The following PAM variants were observed in gnomAD, a reference collection of about 807,000 sequenced individuals.
PAM encodes peptidylglycine alpha-amidating monooxygenase.
PAM carries 72 observed loss-of-function variants against 122.1 expected under a neutral mutation model. The observed-to-expected ratio is 0.59, with a 90% CI of 0.49 to 0.72. The LOEUF (loss-of-function observed/expected upper bound fraction) is 0.72. Among genes scored for constraint, PAM ranks in the 30% least tolerant of loss-of-function variants. The pLI, the probability that PAM is intolerant of heterozygous loss-of-function variation, is 0.00. For synonymous variants in PAM, 389 were observed against 404.4 expected, an observed-to-expected ratio of 0.96 and a Z score of 0.46; for missense variants, 1,106 against 1,183.7, an observed-to-expected ratio of 0.93 and a Z score of 0.96.
chr5:102,918,692 T>G lies in PAM; in HGVS notation c.356+4671T>G, dbSNP rs904798357. Among the ~76,000 whole-genome samples the G allele has an allele frequency of 1.4e-4, 22 of 152,222 alleles. No homozygotes were observed. In the East Asian group the frequency reaches 4.2e-3, roughly 29 times the overall value. On this transcript the variant is annotated intron_variant, in intron 5 of 25. Coordinates refer to ENST00000438793, the MANE Select transcript of PAM (RefSeq NM_001177306.2). ...TCAGGCTTTGAAAATCATAATATTT[T>G]GTTTATACAAATTGTGTTGGCATTT...
intron 1 of PAM, among the ~76,000 whole-genome samples, chr5:102,864,027 G>A (rs1784850775): frequency 6.6e-6 from 1 of 151,278 alleles, no homozygotes. Flanking sequence ...GTACTTAAGG[G>A]TGTGTTCCTG....
At chr5:103,000,839 T>C (rs981471706) in intron 16 of PAM, among the ~76,000 whole-genome samples, 1 of 152,182 alleles carries the variant, frequency 6.6e-6, no homozygotes, top group Admixed American at 6.6e-5. Context: ...ATGATTCAAT[T>C]ACTTTCCACC....
Position 103,028,901 on chromosome 5 carries a change from G to A in PAM, c.2758G>A (p.Gly920Ser), listed in dbSNP as rs573333374. 3 of 1,610,098 alleles carry A rather than the reference G, an allele frequency of 1.9e-6. No homozygotes were observed. Among genetic ancestry groups the A allele is most frequent in the South Asian group, 1.1e-5 (1 of 90,284 alleles). Residue 920 changes from glycine to serine, a missense_variant, in exon 26 of 26, where the codon GGC becomes AGC. Gly to Ser is a moderately conservative substitution (Grantham distance 56). Around this residue, in one of 3 missense-constraint regions of PAM, gnomAD observed 333 missense variants for 335.6 expected, o/e 0.99. Transcript: ENST00000438793. ...CTTTTTTTCAGGAAAGGGAAGTGGA[G>A]GCTTAAACCTTGGTAATTTCTTTGC... ...LGRFRGKGSG[G>S]LNLGNFFASR...
At chr5:103,001,677 G>A (rs1289499878) in intron 16 of PAM, among the ~76,000 whole-genome samples, 1 of 151,848 alleles carries the variant, frequency 6.6e-6, no homozygotes, top group African/African-American at 2.4e-5. Flanking sequence ...ATAATTGTGT[G>A]GTGTATTTTT....
chr5:102,828,143 A>C (rs1443568173), intron 1 of PAM, among the ~76,000 whole-genome samples: 1 of 152,086 alleles, frequency 6.6e-6, no homozygotes, highest in African/African-American at 2.4e-5. Context: ...GTTCAAGACG[A>C]GCCTGGGCAA....
intron 23 of PAM, among the ~76,000 whole-genome samples, chr5:103,021,236 T>G (rs1196208823): frequency 2.0e-5 from 3 of 152,186 alleles, no homozygotes. Context: ...TACCAAAGCC[T>G]GCACTCTTAA....
intron 3 of PAM, among the ~76,000 whole-genome samples, chr5:102,870,284 A>T (rs1786969930): frequency 6.6e-6 from 1 of 152,288 alleles, no homozygotes; most frequent in East Asian, 1.9e-4. Flanking sequence ...ATATCAATAC[A>T]TCTTATGTGT....
intron 1 of PAM, among the ~76,000 whole-genome samples, chr5:102,796,213 A>G (rs1384251734): frequency 6.6e-6 from 1 of 152,146 alleles, no homozygotes. Context: ...TGTAGCTAAT[A>G]GTCTGTGAGC....
intron 14 of PAM, 112 bp downstream of exon 14, chr5:102,961,341 A>T: frequency 1.6e-6 from 1 of 633,390 alleles, no homozygotes; most frequent in Non-Finnish European, 2.9e-6. Flanking sequence ...TGCCTCAAAC[A>T]CTATGTATTG....
At chr5:102,795,281 G>T (rs1763124422) in intron 1 of PAM, among the ~76,000 whole-genome samples, 2 of 149,120 alleles carry the variant, frequency 1.3e-5, no homozygotes, top group African/African-American at 4.9e-5. Context: ...GATACTTCTT[G>T]TTTCCTCTTT....
intron 1 of PAM, among the ~76,000 whole-genome samples, chr5:102,791,413 A>T (rs1762023964): frequency 6.6e-6 from 1 of 152,078 alleles, no homozygotes; most frequent in African/African-American, 2.4e-5. Context: ...AGAATACGTT[A>T]TAACTTGGAT....
intron 1 of PAM, among the ~76,000 whole-genome samples, chr5:102,791,049 C>A (rs1340971648): frequency 1.3e-5 from 2 of 152,086 alleles, no homozygotes; most frequent in Non-Finnish European, 2.9e-5. Context: ...TGAACATTTT[C>A]TCCTGTCACT....
At chr5:102,899,291 T>C (rs1797019732) in intron 3 of PAM, among the ~76,000 whole-genome samples, 1 of 151,658 alleles carries the variant, frequency 6.6e-6, no homozygotes, top group Non-Finnish European at 1.5e-5. Context: ...GAATTATAAG[T>C]ATAAATAGCA....
At chr5:102,899,026 A>G (rs1191450901) in intron 3 of PAM, among the ~76,000 whole-genome samples, 1 of 151,424 alleles carries the variant, frequency 6.6e-6, no homozygotes, top group East Asian at 2.0e-4. Flanking sequence ...TGTCTCCTGC[A>G]GAGGGTCTCC....
At chr5:102,912,398 C>T (rs919494411) in intron 4 of PAM, among the ~76,000 whole-genome samples, 3 of 151,780 alleles carry the variant, frequency 2.0e-5, no homozygotes, top group South Asian at 2.1e-4. Flanking sequence ...GATTAAAAAT[C>T]GTATCACATA....
chr5:102,785,143 T>G (rs1760169369), intron 1 of PAM, among the ~76,000 whole-genome samples: 1 of 152,228 alleles, frequency 6.6e-6, no homozygotes, highest in South Asian at 2.1e-4. Context: ...GTAGTTTTAA[T>G]GCACAGCACT....
intron 9 of PAM, among the ~76,000 whole-genome samples, chr5:102,949,253 C>G (rs1757995867): frequency 6.6e-6 from 1 of 152,018 alleles, no homozygotes; most frequent in African/African-American, 2.4e-5. Flanking sequence ...GGATAAATTT[C>G]AAGCTAAAGG....
chr5:102,828,819 A>G (rs921458160), intron 1 of PAM, among the ~76,000 whole-genome samples: 17 of 151,998 alleles, frequency 1.1e-4, no homozygotes, highest in African/African-American at 3.9e-4. Flanking sequence ...AAATGAAACT[A>G]TGTAATCTCC....
intron 14 of PAM, among the ~76,000 whole-genome samples, chr5:102,961,539 C>A (rs141302087): frequency 1.3e-5 from 2 of 151,900 alleles, no homozygotes; most frequent in East Asian, 1.9e-4. Flanking sequence ...CATCAGGCTG[C>A]TTTTGAAATC....
Sources: gnomAD v4.1 joint callset for allele counts (sites outside exome capture counted in the v4.1 genomes callset) on GRCh38, gnomAD v4.1.1 for gene constraint, gnomAD v4.1.1 regional missense constraint, MANE v1.5 for transcripts, NCBI Gene and HGNC (gene_info 2026-07-23, HGNC 2026-07-21) for gene names.